Variants in OTUD7A observed in about 807,000 individuals in gnomAD.
OTUD7A encodes OTU domain-containing protein 7A.
A neutral mutation model predicts 65.7 loss-of-function variants in OTUD7A; 12 were observed. That is an observed-to-expected ratio of 0.18 (90% CI 0.12 to 0.30). The LOEUF (loss-of-function observed/expected upper bound fraction) is 0.30, where lower values mean the gene tolerates loss of function less well. Among genes scored for constraint, OTUD7A ranks in the 10% least tolerant of loss-of-function variants. OTUD7A has a pLI of 1.00. For synonymous variants in OTUD7A, 641 were observed against 586.3 expected, an observed-to-expected ratio of 1.09 and a Z score of -1.35; for missense variants, 1,148 against 1,304.8, an observed-to-expected ratio of 0.88 and a Z score of 1.85.
In OTUD7A at chr15:31,656,541, A is replaced by G. The variant is rs571655318; in HGVS notation, c.-5+442T>C. Among the ~76,000 whole-genome samples the G allele has an allele frequency of 8.5e-5, 13 of 152,246 alleles. No homozygotes were observed. In the South Asian group the frequency reaches 2.5e-3, roughly 29 times the overall value. ...GGAACTTTATGGAAAAAGCTTGCAG[A>G]CCCCATTACAGGCAATGGAAAATTT... On this transcript the variant is annotated intron_variant, in intron 2 of 12. Transcript: ENST00000307050.
intron 1 of OTUD7A, chr15:31,767,849 T>C: frequency 9.7e-7 from 1 of 1,034,828 alleles, no homozygotes; most frequent in Non-Finnish European, 1.5e-6. Flanking sequence ...TTTTCTCAAT[T>C]CTGGATGCCT....
intron 1 of OTUD7A, among the ~76,000 whole-genome samples, chr15:31,692,899 C>CT (rs558678399): frequency 2.9e-3 from 432 of 150,100 alleles, no homozygotes; most frequent in African/African-American, 0.01. Flanking sequence ...GATGCCCATC[C>CT]CCACCACTAA....
At chr15:31,797,072 C>CG (rs756142404) in intron 1 of OTUD7A, among the ~76,000 whole-genome samples, 1 of 152,054 alleles carries the variant, frequency 6.6e-6, no homozygotes, top group African/African-American at 2.4e-5. Flanking sequence ...CATGGGGGTG[C>CG]GGGGGGAAGC....
intron 5 of OTUD7A, among the ~76,000 whole-genome samples, chr15:31,534,982 T>G (rs1172637700): frequency 6.6e-6 from 1 of 152,118 alleles, no homozygotes; most frequent in Non-Finnish European, 1.5e-5. Context: ...TGTTCAAGAG[T>G]CAATTGTATT....
chr15:31,753,181 C>A (rs1894685355), intron 1 of OTUD7A, among the ~76,000 whole-genome samples: 1 of 151,956 alleles, frequency 6.6e-6, no homozygotes, highest in African/African-American at 2.4e-5. Context: ...ACCATTACTT[C>A]TTGTACCATG....
chr15:31,752,237 A>G (rs1221964318), intron 1 of OTUD7A, among the ~76,000 whole-genome samples: 1 of 152,238 alleles, frequency 6.6e-6, no homozygotes. Flanking sequence ...ATGCAATGCT[A>G]AAGTATGATG....
intron 1 of OTUD7A, among the ~76,000 whole-genome samples, chr15:31,828,855 G>A (rs1005811580): frequency 6.6e-6 from 1 of 152,134 alleles, no homozygotes; most frequent in Admixed American, 6.5e-5. Flanking sequence ...TTTACCCCAG[G>A]CAGGTCCCTA....
At chr15:31,594,705 C>A (rs954735442) in intron 3 of OTUD7A, among the ~76,000 whole-genome samples, 5 of 152,226 alleles carry the variant, frequency 3.3e-5, no homozygotes, top group African/African-American at 1.2e-4. Context: ...AATGAGCCCC[C>A]ACTCATGGAG....
intron 5 of OTUD7A, among the ~76,000 whole-genome samples, chr15:31,550,589 G>A (rs537265893): frequency 1.3e-5 from 2 of 152,258 alleles, no homozygotes; most frequent in South Asian, 4.1e-4. Context: ...CCCTAGATGA[G>A]CACACAGCCA....
chr15:31,487,070 G>T lies in OTUD7A; in HGVS notation c.1371+124C>A, dbSNP rs1300558530. 1.1e-6 allele frequency: 1 copy of T among 905,096 alleles called. No homozygotes were observed. Among genetic ancestry groups the T allele is most frequent in the South Asian group, 1.6e-5 (1 of 63,102 alleles). 56.1% of individuals were successfully genotyped at this position (905,096 alleles called of 1,614,324 possible). ...GCTACTGGGCTGTGGGTATGGCTGG[G>T]GTGGGCGGCCGGGCAGGGGCAGGCA... On this transcript the variant is annotated intron_variant, in intron 12 of 12. Coordinates refer to ENST00000307050, the MANE Select transcript of OTUD7A (RefSeq NM_001382637.1). This position sits in a 1 kb window ranked among gnomAD's most constrained non-coding sequence, Gnocchi z 6.0.
chr15:31,774,274 A>G (rs1277122290), intron 1 of OTUD7A, among the ~76,000 whole-genome samples: 1 of 152,270 alleles, frequency 6.6e-6, no homozygotes, highest in Non-Finnish European at 1.5e-5. Flanking sequence ...GCAGGCTGCC[A>G]GCTGAGTCAG....
chr15:31,852,799 T>A (rs1157264023), intron 1 of OTUD7A, among the ~76,000 whole-genome samples: 1 of 152,222 alleles, frequency 6.6e-6, no homozygotes, highest in East Asian at 1.9e-4. Context: ...CACTTAGAAA[T>A]TACAGCGCTA....
In OTUD7A at chr15:31,530,648, T is replaced by A. The variant is rs1052164284; in HGVS notation, c.652+59A>T. ...CAATAGTGTTTCCTTCAATAGCATA[T>A]GTCTTTCCTTACGCAGGCCTGGAGC... On this transcript the variant is annotated intron_variant, in intron 6 of 12. Transcript: ENST00000307050. 6.1e-6 allele frequency: 9 copies of A among 1,471,220 alleles called. No individual in the cohort carries two copies. In the Middle Eastern group the frequency reaches 5.3e-4, roughly 86 times the overall value. The allele number at this position is 1,471,220 out of a possible 1,614,324, so 91.1% of individuals were successfully genotyped here. A position where few individuals can be genotyped will look rare whatever the true frequency, so the allele number is the denominator to read the frequency against.
Position 31,483,971 on chromosome 15 carries a change from C to A in OTUD7A, c.2125G>T (p.Gly709Cys). ...KRPPRRPETE[G>C]VPVPERASPG... Reference sequence around the variant, plus strand: ...GAGGCGCGCTCCGGGACCGGCACGCCCTCCGTCTCCGGTCTGCGCGGCGGC... The same window carrying A: ...GAGGCGCGCTCCGGGACCGGCACGCACTCCGTCTCCGGTCTGCGCGGCGGC... The change falls in exon 13 of 13, where the codon GGC (glycine) becomes TGC (cysteine). Residue 709 changes from glycine to cysteine, a missense_variant. By Grantham distance (159) the Gly-to-Cys change is radical. Coordinates refer to ENST00000307050, the MANE Select transcript of OTUD7A (RefSeq NM_001382637.1). 2 of 1,142,774 alleles carry A rather than the reference C, an allele frequency of 1.8e-6. No homozygotes were observed. The highest frequency in any genetic ancestry group is 2.2e-6 in the Non-Finnish European group (2 of 924,414). The allele number at this position is 1,142,774 out of a possible 1,614,324, so 70.8% of individuals were successfully genotyped here.
intron 1 of OTUD7A, among the ~76,000 whole-genome samples, chr15:31,740,219 G>A (rs1017001980): frequency 2.6e-5 from 4 of 152,158 alleles, no homozygotes; most frequent in African/African-American, 9.7e-5. Flanking sequence ...CCCAGAGGCT[G>A]GAACAGCTTC....
At chr15:31,719,358 C>T (rs954857385) in intron 1 of OTUD7A, among the ~76,000 whole-genome samples, 2 of 151,854 alleles carry the variant, frequency 1.3e-5, no homozygotes, top group Non-Finnish European at 2.9e-5. Context: ...AACTCAGCTG[C>T]AGAGAGGCTG....
intron 3 of OTUD7A, among the ~76,000 whole-genome samples, chr15:31,628,327 C>T (rs1891029590): frequency 6.6e-6 from 1 of 152,156 alleles, no homozygotes; most frequent in African/African-American, 2.4e-5. Flanking sequence ...CCAGTTTTCC[C>T]AGCACCATTT....
In OTUD7A at chr15:31,570,222, T is replaced by C. The variant is rs770305354; in HGVS notation, c.152-25A>G. On this transcript the variant is annotated intron_variant, in intron 3 of 12. Transcript: ENST00000307050. ...CCTGTGGACAAGAAATGACAAGAGG[T>C]GACAATACGAACGCATGAATAACGG... is the stretch of plus-strand genomic sequence containing the variant. The C allele has an allele frequency of 1.9e-6, 3 of 1,611,334 alleles. No homozygotes were observed. In the South Asian group the frequency reaches 3.3e-5, roughly 18 times the overall value.
intron 1 of OTUD7A, chr15:31,766,299 C>T: frequency 1.2e-6 from 2 of 1,605,496 alleles, no homozygotes; most frequent in Non-Finnish European, 8.5e-7. Flanking sequence ...AACATTTTGA[C>T]TCATTCGGGA....
Sources: gnomAD v4.1 joint callset for allele counts (sites outside exome capture counted in the v4.1 genomes callset) on GRCh38, gnomAD v4.1.1 for gene constraint, Gnocchi (gnomAD v3.1) non-coding constraint, MANE v1.5 for transcripts, NCBI Gene and HGNC (gene_info 2026-07-23, HGNC 2026-07-21) for gene names.